TTC29: variants seen among roughly 807,000 people sequenced by gnomAD.
The protein encoded by TTC29 is tetratricopeptide repeat protein 29.
Under a neutral mutation model 58.1 loss-of-function variants are expected in TTC29, and 49 were observed. That is an observed-to-expected ratio of 0.84 (90% confidence interval 0.67 to 1.07). The LOEUF (loss-of-function observed/expected upper bound fraction) is 1.07. Among genes scored for constraint, TTC29 ranks in the 50% least tolerant of loss-of-function variants. The pLI, the probability that TTC29 is intolerant of heterozygous loss-of-function variation, is 0.00. For synonymous variants in TTC29, 209 were observed against 196.8 expected (o/e 1.06, Z -0.52); for missense variants, 582 against 555.6 (o/e 1.05, Z -0.48).
rs1579739426 is a variant in TTC29, at chr4:146,814,873, T to C, written c.1101+5252A>G. ...GCAATGTGAAGTTCAGAGCATTTCATGTAGAGCATTCCAGCCAAGGCAAAT... is the reference window on the plus strand; with the variant it reads ...GCAATGTGAAGTTCAGAGCATTTCACGTAGAGCATTCCAGCCAAGGCAAAT... On this transcript the variant is annotated intron_variant, in intron 10 of 12. Coordinates refer to ENST00000325106, the MANE Select transcript of TTC29 (RefSeq NM_031956.4). Among the ~76,000 whole-genome samples, 4 of 152,152 alleles carry C rather than the reference T, an allele frequency of 2.6e-5. No individual in the cohort carries two copies. In the South Asian group the frequency reaches 8.3e-4, roughly 32 times the overall value.
At chr4:146,925,272 C>G (rs1256084048) in intron 4 of TTC29, among the ~76,000 whole-genome samples, 1 of 151,870 alleles carries the variant, frequency 6.6e-6, no homozygotes, top group Non-Finnish European at 1.5e-5. Context: ...GTTTTTCTAC[C>G]AGCTATTGAA....
chr4:146,712,193 T>G (rs1203497625), intron 11 of TTC29, among the ~76,000 whole-genome samples: 1 of 152,184 alleles, frequency 6.6e-6, no homozygotes, highest in East Asian at 1.9e-4. Flanking sequence ...GCTTGACTTT[T>G]AAATTATTTT....
chr4:146,805,045 A>G (rs1332122358), intron 10 of TTC29, among the ~76,000 whole-genome samples: 2 of 151,956 alleles, frequency 1.3e-5, no homozygotes, highest in Non-Finnish European at 2.9e-5. Flanking sequence ...AGGAACAGGC[A>G]GCAATCTTTG....
chr4:146,862,259 A>C (rs901931255), intron 8 of TTC29, among the ~76,000 whole-genome samples: 2 of 150,152 alleles, frequency 1.3e-5, no homozygotes, highest in Non-Finnish European at 3.0e-5. Flanking sequence ...CATTATATAT[A>C]TATATATATA....
intron 4 of TTC29, among the ~76,000 whole-genome samples, chr4:146,912,702 C>T (rs573133769): frequency 2.6e-5 from 4 of 152,060 alleles, no homozygotes; most frequent in Admixed American, 1.3e-4. Flanking sequence ...GAAATTCACA[C>T]CTGATCCAAG....
At chr4:146,826,879 C>T (rs1234214372) in intron 9 of TTC29, among the ~76,000 whole-genome samples, 1 of 121,218 alleles carries the variant, frequency 8.2e-6, no homozygotes, top group Non-Finnish European at 1.7e-5. Context: ...CTCTGATATG[C>T]TTTCTTCTGC....
intron 11 of TTC29, among the ~76,000 whole-genome samples, chr4:146,736,874 G>A (rs1381119802): frequency 1.3e-5 from 2 of 152,166 alleles, no homozygotes; most frequent in African/African-American, 4.8e-5. Flanking sequence ...CACAAGCAGG[G>A]AGCCTCTGGG....
At chr4:146,943,916 G>T (rs1736670002) in intron 2 of TTC29, among the ~76,000 whole-genome samples, 1 of 152,154 alleles carries the variant, frequency 6.6e-6, no homozygotes, top group South Asian at 2.1e-4. Flanking sequence ...AATGGGACTA[G>T]TGCTATGAGG....
intron 11 of TTC29, among the ~76,000 whole-genome samples, chr4:146,744,565 C>G (rs1745405252): frequency 6.6e-6 from 1 of 152,076 alleles, no homozygotes; most frequent in Non-Finnish European, 1.5e-5. Flanking sequence ...TCTATACATT[C>G]TAGTTCTATG....
chr4:146,930,424 GTCTGGTAATA>G (rs1735252657), intron 4 of TTC29, among the ~76,000 whole-genome samples: 1 of 152,014 alleles, frequency 6.6e-6, no homozygotes. Flanking sequence ...AAAGTCCCTG[GTCTGGTAATA>G]TCTGTGGAAA....
At chr4:146,715,113 C>G (rs1742833122) in intron 11 of TTC29, among the ~76,000 whole-genome samples, 1 of 151,994 alleles carries the variant, frequency 6.6e-6, no homozygotes, top group South Asian at 2.1e-4. Context: ...GTTGGGATGA[C>G]AGGCATGAGC....
At chr4:146,729,085 A>T (rs1744134484) in intron 11 of TTC29, among the ~76,000 whole-genome samples, 1 of 151,908 alleles carries the variant, frequency 6.6e-6, no homozygotes, top group Non-Finnish European at 1.5e-5. Context: ...ACTTTGAATT[A>T]TTGGGCCAAA....
intron 2 of TTC29, 135 bp from the exon 3 acceptor site, chr4:146,940,036 C>T (rs746323122): frequency 1.8e-5 from 14 of 779,004 alleles, no homozygotes; most frequent in Middle Eastern, 7.9e-4. Context: ...CTGTGTTATT[C>T]GGGAATCATG....
chr4:146,744,067 G>A (rs1294846968), intron 11 of TTC29, among the ~76,000 whole-genome samples: 4 of 152,214 alleles, frequency 2.6e-5, no homozygotes, highest in Admixed American at 1.3e-4. Flanking sequence ...GAGATGGGAA[G>A]GAGGGAAAGG....
At chr4:146,757,318 C>T (rs1023473973) in intron 11 of TTC29, among the ~76,000 whole-genome samples, 5 of 152,026 alleles carry the variant, frequency 3.3e-5, no homozygotes, top group Admixed American at 2.6e-4. Flanking sequence ...CTGGGTCTAG[C>T]CACCTAGTGA....
chr4:146,828,991 A>G (rs1237271361), intron 9 of TTC29, among the ~76,000 whole-genome samples: 1 of 152,230 alleles, frequency 6.6e-6, no homozygotes, highest in African/African-American at 2.4e-5. Context: ...CAGAAAGGGT[A>G]CAGCTTATTT....
chr4:146,843,382 T>A (rs1728971722), intron 8 of TTC29, among the ~76,000 whole-genome samples: 1 of 152,180 alleles, frequency 6.6e-6, no homozygotes, highest in African/African-American at 2.4e-5. Context: ...CTGGGAATAG[T>A]CTGGCCTTAT....
chr4:146,792,401 G>T, intron 11 of TTC29, among the ~76,000 whole-genome samples: 1 of 152,174 alleles, frequency 6.6e-6, no homozygotes, highest in South Asian at 2.1e-4. Flanking sequence ...TTGTAGCATG[G>T]TTTACTTAAT....
At chr4:146,805,785 AG>A (rs1750567960) in intron 10 of TTC29, among the ~76,000 whole-genome samples, 1 of 152,204 alleles carries the variant, frequency 6.6e-6, no homozygotes, top group African/African-American at 2.4e-5. Flanking sequence ...AGTGATGGGC[AG>A]AATGGATCCA....
Sources: gnomAD v4.1 joint callset for allele counts (sites outside exome capture counted in the v4.1 genomes callset) on GRCh38, gnomAD v4.1.1 for gene constraint, MANE v1.5 for transcripts, NCBI Gene and HGNC (gene_info 2026-07-23, HGNC 2026-07-21) for gene names.